Variants in PTPRF observed in about 807,000 individuals in gnomAD.
PTPRF encodes protein tyrosine phosphatase receptor type F.
PTPRF carries 59 observed loss-of-function variants against 201.8 expected under a neutral mutation model. The observed-to-expected ratio is 0.29, with a 90% CI of 0.24 to 0.36. The LOEUF is 0.36. Among genes scored for constraint, PTPRF ranks in the 10% least tolerant of loss-of-function variants. The pLI, the probability that PTPRF is intolerant of heterozygous loss-of-function variation, is 1.00. For synonymous variants in PTPRF, 1,088 were observed against 1,089.7 expected, an observed-to-expected ratio of 1.00 and a Z score of 0.03; for missense variants, 2,132 against 2,690.5, an observed-to-expected ratio of 0.79 and a Z score of 4.59.
chr1:43,564,741 C>T (rs940463165), intron 5 of PTPRF, among the ~76,000 whole-genome samples: 15 of 152,076 alleles, frequency 9.9e-5, no homozygotes, highest in Non-Finnish European at 1.8e-4. Context: ...TCTGTGTGTG[C>T]GGGTGCGTGC....
intron 7 of PTPRF, among the ~76,000 whole-genome samples, chr1:43,580,524 C>T (rs1376952779): frequency 2.6e-5 from 4 of 152,222 alleles, no homozygotes; most frequent in Non-Finnish European, 5.9e-5. Context: ...CCTCAAGGCT[C>T]AGGCCTCAGG....
At chr1:43,600,816 C>G (rs749464641) in intron 13 of PTPRF, among the ~76,000 whole-genome samples, 2 of 152,130 alleles carry the variant, frequency 1.3e-5, no homozygotes, top group Non-Finnish European at 2.9e-5. Flanking sequence ...TCCTTCCCTC[C>G]TCCCCCTGCC....
At position 43,553,148 on chromosome 1, in the gene PTPRF, G is replaced by C. The variant is rs1329480906; in HGVS notation, c.92-344G>C. Among the ~76,000 whole-genome samples the C allele has an allele frequency of 2.0e-5, 3 of 152,116 alleles. No homozygotes were observed. The highest frequency in any genetic ancestry group is 2.9e-5 in the Non-Finnish European group (2 of 68,020). On this transcript the variant is annotated intron_variant, in intron 3 of 33. Coordinates refer to ENST00000359947, the MANE Select transcript of PTPRF (RefSeq NM_002840.5). This position sits in a 1 kb window ranked among gnomAD's most constrained non-coding sequence, Gnocchi z 4.1. ...CTGGAGCTTGGAATTGATGTGGGGC[G>C]GGCAACAGAAGGGTGCAGTGGTAGT...
intron 5 of PTPRF, among the ~76,000 whole-genome samples, chr1:43,564,149 G>A (rs958715702): frequency 6.6e-6 from 1 of 152,202 alleles, no homozygotes; most frequent in African/African-American, 2.4e-5. Context: ...TCAAAGCTGC[G>A]AAGGGAGATG....
intron 9 of PTPRF, 84 bp downstream of exon 9, chr1:43,591,637 C>A: frequency 6.9e-7 from 1 of 1,452,914 alleles, no homozygotes; most frequent in East Asian, 2.5e-5. Context: ...CCTCCCTCGG[C>A]TGTGAGGCTG....
chr1:43,588,610 C>G lies in PTPRF; in HGVS notation c.680-121C>G. ...GCTGGGGTCTGGCGGTGCCACCCCT[C>G]CTGTCTCTGAGCATGGGTTTGGCTC... On this transcript the variant is annotated intron_variant, in intron 7 of 33. Coordinates refer to ENST00000359947, the MANE Select transcript of PTPRF (RefSeq NM_002840.5). The surrounding 1 kb of genome is among the most constrained non-coding windows in gnomAD (Gnocchi z 5.3). The G allele has an allele frequency of 7.5e-7, 1 of 1,333,332 alleles. No homozygotes were observed. Among genetic ancestry groups the G allele is most frequent in the East Asian group, 2.5e-5 (1 of 40,314 alleles). The allele number at this position is 1,333,332 out of a possible 1,614,324, so 82.6% of individuals were successfully genotyped here.
chr1:43,609,524 C>T, intron 22 of PTPRF, 26 bp downstream of exon 22: 1 of 1,579,586 alleles, frequency 6.3e-7, no homozygotes, highest in African/African-American at 1.3e-5. Context: ...GGCCTGTGTG[C>T]CCCCAGCCCA....
chr1:43,551,544 A>C (rs1367139028), intron 3 of PTPRF, among the ~76,000 whole-genome samples: 3 of 152,056 alleles, frequency 2.0e-5, no homozygotes, highest in Non-Finnish European at 4.4e-5. Flanking sequence ...GCACTCTAAG[A>C]ACATAGTCAG....
rs373978818 is a variant in PTPRF, at chr1:43,591,827, C to T, written c.1547C>T (p.Ala516Val). ...GGTGTTGCAGTGCCTGCCCAGCCCGCGGACTTCCAGGCCGAGGTGGAGTCG... is the reference window on the plus strand; with the variant it reads ...GGTGTTGCAGTGCCTGCCCAGCCCGTGGACTTCCAGGCCGAGGTGGAGTCG... The part of the protein sequence containing the change: ...KTQQGVPAQP[A>V]DFQAEVESDT... The change falls in exon 10 of 34, where the codon GCG (alanine) becomes GTG (valine). Residue 516 changes from alanine to valine, a missense_variant. Physicochemically the swap from Ala to Val is moderately conservative, Grantham distance 64 (BLOSUM62 0). This residue lies in a region of PTPRF where 351 missense variants were observed against 401.7 expected (regional missense o/e 0.87). Coordinates refer to ENST00000359947, the MANE Select transcript of PTPRF (RefSeq NM_002840.5). 34 of 1,613,168 alleles carry T rather than the reference C, an allele frequency of 2.1e-5. No homozygotes were observed. In the African/African-American group the frequency reaches 2.4e-4, roughly 11 times the overall value.
In PTPRF at chr1:43,569,315, G is replaced by A. The variant is rs574577136; in HGVS notation, c.380-275G>A. 1.9e-4 allele frequency among the ~76,000 whole-genome samples: 29 copies of A among 151,352 alleles called. No individual in the cohort carries two copies. In the South Asian group the frequency reaches 3.1e-3, roughly 16 times the overall value. ...TCTCGTTCTTCTCAGGGCCTGGAGA[G>A]ATAAGTGCTGACGCCTTCAGTCTGA... On this transcript the variant is annotated intron_variant, in intron 5 of 33. Coordinates refer to ENST00000359947, the MANE Select transcript of PTPRF (RefSeq NM_002840.5).
chr1:43,525,804 CA>C (rs1179056466), upstream of PTPRF, among the ~76,000 whole-genome samples: 210 of 35,528 alleles, frequency 5.9e-3, no homozygotes, highest in African/African-American at 0.023. Flanking sequence ...GACTCAGTCT[CA>C]AAAAAAAAAA....
intron 6 of PTPRF, among the ~76,000 whole-genome samples, chr1:43,571,199 C>T (rs1023408552): frequency 1.3e-5 from 2 of 152,220 alleles, no homozygotes; most frequent in Middle Eastern, 3.2e-3. Context: ...TAACATTCCT[C>T]CCTCCTTCCC....
rs1045097986 is a variant in PTPRF at position 43,542,067 on chromosome 1, C to A, written c.-45-2964C>A. 6.6e-6 allele frequency among the ~76,000 whole-genome samples: 1 copy of A among 152,188 alleles called. No homozygotes were observed. The highest frequency in any genetic ancestry group is 1.9e-4 in the East Asian group (1 of 5,200). ...CAGCAGCCCTGCCCCTTGTTCCTCT[C>A]CCACCTTCTCCCCACAGGTGACCCT... On this transcript the variant is annotated intron_variant, in intron 2 of 33. Coordinates refer to ENST00000359947, the MANE Select transcript of PTPRF (RefSeq NM_002840.5). The surrounding 1 kb of genome is among the most constrained non-coding windows in gnomAD (Gnocchi z 5.2).
Position 43,544,908 on chromosome 1 carries a change from G to T in PTPRF, c.-45-123G>T, listed in dbSNP as rs541158566. 5 of 616,200 alleles carry T rather than the reference G, an allele frequency of 8.1e-6. No homozygotes were observed. The Admixed American group carries it at 1.6e-4, about 19-fold the overall frequency. The allele number at this position is 616,200 out of a possible 1,614,324, so 38.2% of individuals were successfully genotyped here. On this transcript the variant is annotated intron_variant, in intron 2 of 33. Coordinates refer to ENST00000359947, the MANE Select transcript of PTPRF (RefSeq NM_002840.5). Reference sequence around the variant, plus strand: ...GGTCATTGCACAGCCCAAGTGGGGGGCTCTGTTGAACTAGGCTCTGGATGG... The same window carrying T: ...GGTCATTGCACAGCCCAAGTGGGGGTCTCTGTTGAACTAGGCTCTGGATGG...
Position 43,538,210 on chromosome 1 carries a change from G to T in PTPRF, c.-113G>T. 2.5e-6 allele frequency: 1 copy of T among 398,646 alleles called. No individual in the cohort carries two copies. 24.7% of individuals were successfully genotyped at this position (398,646 alleles called of 1,614,324 possible). A position where few individuals can be genotyped will look rare whatever the true frequency, so the allele number is the denominator to read the frequency against. Reference sequence around the variant, plus strand: ...CCTTTCTGTCCAGGAAGGAGTGGAGGCCCTGGTGCCCGGCCCTTGGTGCTG... The same window carrying T: ...CCTTTCTGTCCAGGAAGGAGTGGAGTCCCTGGTGCCCGGCCCTTGGTGCTG... On this transcript the variant is annotated 5_prime_UTR_variant, in exon 2 of 34. Coordinates refer to ENST00000359947, the MANE Select transcript of PTPRF (RefSeq NM_002840.5).
chr1:43,560,547 C>G (rs1645735728), intron 5 of PTPRF, among the ~76,000 whole-genome samples: 1 of 152,092 alleles, frequency 6.6e-6, no homozygotes, highest in South Asian at 2.1e-4. Flanking sequence ...CAGCAAGCAG[C>G]CCGAGCTGAA....
chr1:43,572,728 T>TG lies in PTPRF; in HGVS notation c.568+2951dup, dbSNP rs1646659329. Among the ~76,000 whole-genome samples, 6 of 152,338 alleles carry TG rather than the reference T, an allele frequency of 3.9e-5. No individual in the cohort carries two copies. In the South Asian group the frequency reaches 1.2e-3, roughly 32 times the overall value. ...ACAACAGAGCTTTCCCCGCTTTTGT[T>TG]GCAGCTGATTCTCTTGCAGCCCTGT... On this transcript the variant is annotated intron_variant, in intron 6 of 33. Coordinates refer to ENST00000359947, the MANE Select transcript of PTPRF (RefSeq NM_002840.5).
chr1:43,569,450 G>A (rs1392308565), intron 5 of PTPRF, 140 bp from the exon 6 acceptor site: 1 of 835,090 alleles, frequency 1.2e-6, no homozygotes, highest in East Asian at 2.6e-5. Flanking sequence ...ATCGGGGTAT[G>A]CTTCATGCTT....
intron 23 of PTPRF, among the ~76,000 whole-genome samples, chr1:43,615,630 G>A (rs1398388015): frequency 1.4e-5 from 2 of 140,164 alleles, no homozygotes; most frequent in Non-Finnish European, 3.0e-5. Context: ...GCAGTGGCGT[G>A]ATCTCGGCTC....
Sources: allele counts gnomAD v4.1 joint callset (sites outside exome capture counted in the v4.1 genomes callset), GRCh38; gene constraint gnomAD v4.1.1; regional missense constraint gnomAD v4.1.1; non-coding constraint Gnocchi (gnomAD v3.1); transcripts MANE v1.5; gene names NCBI Gene and HGNC (gene_info 2026-07-23, HGNC 2026-07-21).